The following E4F1 variants were observed in gnomAD, a reference collection of about 807,000 sequenced individuals.
The protein encoded by E4F1 is E4F transcription factor 1.
Under a neutral mutation model 72.9 loss-of-function variants are expected in E4F1, and 30 were observed. The observed-to-expected ratio is 0.41, with a 90% CI of 0.31 to 0.56. The LOEUF (loss-of-function observed/expected upper bound fraction) is 0.56, where lower values mean the gene tolerates loss of function less well. Among genes scored for constraint, E4F1 ranks in the 20% least tolerant of loss-of-function variants. E4F1 has a pLI of 0.25. For missense variants in E4F1, 1,091 were observed against 1,117.5 expected (o/e 0.98, Z 0.34); for synonymous variants, 542 against 478.2 (o/e 1.13, Z -1.74).
In E4F1 at chr16:2,235,321, G is replaced by A; in HGVS notation, c.2104G>A (p.Gly702Ser). The A allele has an allele frequency of 6.2e-7, 1 of 1,610,710 alleles. No homozygotes were observed. Among genetic ancestry groups the A allele is most frequent in the South Asian group, 1.1e-5 (1 of 91,082 alleles). Residue 702 changes from glycine (G) to serine (S), a missense_variant, in exon 14 of 14, where the codon GGC (glycine) becomes AGC (serine). By Grantham distance (56) the Gly-to-Ser change is moderately conservative. Around this residue, in one of 5 missense-constraint regions of E4F1, gnomAD observed 622 missense variants for 628.0 expected, o/e 0.99. Transcript: ENST00000301727. The part of the protein sequence containing the change: ...NVTMDEETAL[G>S]PEAAAADTIT... ...CACCATGGACGAGGAGACGGCGCTG[G>A]GCCCAGAGGCGGCTGCCGCCGACAC...
intron 3 of E4F1, chr16:2,231,461 C>A (rs905678265): frequency 6.6e-6 from 1 of 152,330 alleles, no homozygotes; most frequent in Non-Finnish European, 1.5e-5. Flanking sequence ...CTTGTCAAAA[C>A]AAGACGCCAG....
At chr16:2,224,537 C>T (rs1419532218) in intron 1 of E4F1, among the ~76,000 whole-genome samples, 3 of 152,194 alleles carry the variant, frequency 2.0e-5, no homozygotes, top group Non-Finnish European at 4.4e-5. Context: ...CGCCTGTAAT[C>T]CCAGCACTTT....
At position 2,232,921 on chromosome 16, in the gene E4F1, C is replaced by T. The variant is rs182042349; in HGVS notation, c.883+13C>T. On this transcript the variant is annotated intron_variant, in intron 6 of 13. Coordinates refer to ENST00000301727, the MANE Select transcript of E4F1 (RefSeq NM_004424.5). ...GACGCACGTGCAGGTCAGCATGGTG[C>T]GGGCAGCTGCCTGGTCCTGGGGGCT... is the stretch of plus-strand genomic sequence containing the variant. The T allele has an allele frequency of 2.2e-4, 355 of 1,613,156 alleles. 5 individuals carry two copies. In the Admixed American group the frequency reaches 5.1e-3, roughly 23 times the overall value.
rs558486175 is a variant in E4F1, at chr16:2,234,445, G to A, written c.1593+57G>A. On this transcript the variant is annotated intron_variant, in intron 10 of 13. Coordinates refer to ENST00000301727, the MANE Select transcript of E4F1 (RefSeq NM_004424.5). ...GATCCCCCCATCCTGCTCCCTGGCC[G>A]TGGCCCAGGTGCACCCCCTTCCCTG... 6.1e-5 allele frequency: 98 copies of A among 1,593,740 alleles called. 1 individual carries two copies. The African/African-American group carries it at 8.6e-4, about 14-fold the overall frequency.
At chr16:2,223,873 G>C (rs906609639) in intron 1 of E4F1, 103 bp downstream of exon 1, 13 of 1,532,564 alleles carry the variant, frequency 8.5e-6, no homozygotes, top group Non-Finnish European at 3.5e-6. Flanking sequence ...GACCCTCCCA[G>C]ACCCAGACAC....
chr16:2,231,561 C>T (rs2093467858), intron 3 of E4F1: 2 of 153,258 alleles, frequency 1.3e-5, no homozygotes. Flanking sequence ...TGTTTACAAC[C>T]TAGCTTTGCA....
chr16:2,226,458 G>T (rs548196162), intron 1 of E4F1, among the ~76,000 whole-genome samples: 3 of 152,202 alleles, frequency 2.0e-5, no homozygotes, highest in Non-Finnish European at 4.4e-5. Context: ...AGGAGAGGAC[G>T]ACTCTGTTGG....
In E4F1 at chr16:2,233,058, A is replaced by G; in HGVS notation, c.931A>G (p.Thr311Ala). ...AGLGTATSSVTGEPIETSPVI... is the reference protein window; with the variant it reads ...AGLGTATSSVAGEPIETSPVI... ...CTTGGGGACAGCCACATCATCGGTG[A>G]CAGGCGAGCCTATAGAGACTTCACC... The change falls in exon 7 of 14, where the codon ACA becomes GCA. Residue 311 changes from threonine (T) to alanine (A), a missense_variant. By Grantham distance (58) the Thr-to-Ala change is moderately conservative. Coordinates refer to ENST00000301727, the MANE Select transcript of E4F1 (RefSeq NM_004424.5). 2 of 1,611,180 alleles carry G rather than the reference A, an allele frequency of 1.2e-6. No individual in the cohort carries two copies. Among genetic ancestry groups the G allele is most frequent in the Non-Finnish European group, 1.7e-6 (2 of 1,178,446 alleles).
rs1282309484 is a variant in E4F1 at position 2,223,899 on chromosome 16, G to A, written c.157+129G>A. The A allele has an allele frequency of 7.2e-6, 11 of 1,532,060 alleles. No individual in the cohort carries two copies. The East Asian group carries it at 2.2e-4, about 31-fold the overall frequency. 94.9% of individuals were successfully genotyped at this position (1,532,060 alleles called of 1,614,324 possible). The stretch of plus-strand genomic sequence containing the variant: ...ACCCAGACACCTCGCGGATCTCGCG[G>A]GACCCTCACAGCCCTCCACGAAACC... On this transcript the variant is annotated intron_variant, in intron 1 of 13. Transcript: ENST00000301727.
In E4F1 at chr16:2,235,306, G is replaced by T; in HGVS notation, c.2089G>T (p.Glu697Ter). The T allele has an allele frequency of 6.2e-7, 1 of 1,611,138 alleles. No homozygotes were observed. Among genetic ancestry groups the T allele is most frequent in the Non-Finnish European group, 8.5e-7 (1 of 1,179,918 alleles). ...CATCGTGCAGAACGTCACCATGGAC[G>T]AGGAGACGGCGCTGGGCCCAGAGGC... ...QIIVQNVTMD[E>*]ETALGPEAAA... The change falls in exon 14 of 14, where the codon GAG becomes TAG. Residue 697 changes from glutamate (E) to a stop codon, truncating the protein, a stop_gained. Transcript: ENST00000301727. LOFTEE classifies it high-confidence loss of function.
At position 2,232,622 on chromosome 16, in the gene E4F1, G is replaced by A. The variant is rs763791867; in HGVS notation, c.730+46G>A. ...GCTGGAGCCCGGTAGCACCCCGATG[G>A]TTGGCCCTGGGGTGCCCCAGCCTCG... On this transcript the variant is annotated intron_variant, in intron 5 of 13. Coordinates refer to ENST00000301727, the MANE Select transcript of E4F1 (RefSeq NM_004424.5). 5.0e-6 allele frequency: 8 copies of A among 1,608,406 alleles called. No individual in the cohort carries two copies. The Admixed American group carries it at 1.2e-4, about 24-fold the overall frequency.
Position 2,234,281 on chromosome 16 carries a change from T to G in E4F1, c.1486T>G (p.Cys496Gly). 1 of 1,612,970 alleles carries G rather than the reference T, an allele frequency of 6.2e-7. No homozygotes were observed. Among genetic ancestry groups the G allele is most frequent in the Non-Finnish European group, 8.5e-7 (1 of 1,179,996 alleles). The change falls in exon 10 of 14, where the codon TGC becomes GGC. Residue 496 changes from cysteine (C) to glycine (G), a missense_variant. Physicochemically the swap from Cys to Gly is radical, Grantham distance 159. Around this residue, in one of 5 missense-constraint regions of E4F1, gnomAD observed 622 missense variants for 628.0 expected, o/e 0.99. Transcript: ENST00000301727. Reference protein sequence around the residue: ...VRERRFRCGDCGKLYKTIAHV... With the variant: ...VRERRFRCGDGGKLYKTIAHV... Reference sequence around the variant, plus strand: ...TGAGCGCCGCTTCCGCTGTGGCGACTGCGGGAAGCTCTACAAGACCATTGC... The same window carrying G: ...TGAGCGCCGCTTCCGCTGTGGCGACGGCGGGAAGCTCTACAAGACCATTGC...
At chr16:2,235,055 C>T in intron 12 of E4F1, 26 bp from the exon 13 acceptor site, 3 of 1,612,224 alleles carry the variant, frequency 1.9e-6, no homozygotes, top group Non-Finnish European at 2.5e-6. Context: ...CAAGGCTGAC[C>T]TCTGTCCTTC....
intron 11 of E4F1, 30 bp downstream of exon 11, chr16:2,234,811 G>T: frequency 6.5e-7 from 1 of 1,542,858 alleles, no homozygotes; most frequent in South Asian, 1.2e-5. Flanking sequence ...GGAGGGGGAG[G>T]GGAGGGGGCC....
intron 1 of E4F1, among the ~76,000 whole-genome samples, chr16:2,224,778 G>A (rs537442534): frequency 1.3e-5 from 2 of 151,394 alleles, no homozygotes; most frequent in South Asian, 2.1e-4. Context: ...GCCGGACTCC[G>A]TCTCAAAAGA....
At position 2,224,079 on chromosome 16, in the gene E4F1, C is replaced by G. The variant is rs537401958; in HGVS notation, c.157+309C>G. ...CGGCGTCCCGGCCCTTCTCTGCCTC[C>G]GATGCCTGAGCCTGGCCCTCCCCTC... On this transcript the variant is annotated intron_variant, in intron 1 of 13. Transcript: ENST00000301727. The G allele has an allele frequency of 1.0e-3, 991 of 954,024 alleles. 2 individuals carry two copies. Among genetic ancestry groups the G allele is most frequent in the Non-Finnish European group, 1.4e-3 (941 of 687,918 alleles). 59.1% of individuals were successfully genotyped at this position (954,024 alleles called of 1,614,324 possible).
rs377572921 is a variant in E4F1, at chr16:2,235,314, G to A, written c.2097G>A (p.Thr699=). Residue 699 remains threonine, a synonymous_variant, in exon 14 of 14, where the codon ACG becomes ACA. Coordinates refer to ENST00000301727, the MANE Select transcript of E4F1 (RefSeq NM_004424.5). ...IVQNVTMDEE[T]ALGPEAAAAD... Reference sequence around the variant, plus strand: ...AGAACGTCACCATGGACGAGGAGACGGCGCTGGGCCCAGAGGCGGCTGCCG... The same window carrying A: ...AGAACGTCACCATGGACGAGGAGACAGCGCTGGGCCCAGAGGCGGCTGCCG... 76 of 1,610,956 alleles carry A rather than the reference G, an allele frequency of 4.7e-5. No individual in the cohort carries two copies. The highest frequency in any genetic ancestry group is 1.1e-4 in the South Asian group (10 of 91,078).
At chr16:2,233,840 C>T (rs200493907) in intron 8 of E4F1, 42 bp from the exon 9 acceptor site, 553 of 1,515,924 alleles carry the variant, frequency 3.6e-4, no homozygotes, top group Non-Finnish European at 4.8e-4. Context: ...TGCCAGGGCA[C>T]AGCCTGCCCC....
intron 3 of E4F1, chr16:2,231,857 G>C: frequency 2.8e-6 from 1 of 354,846 alleles, no homozygotes; most frequent in Non-Finnish European, 5.2e-6. Flanking sequence ...TTGTCACCAG[G>C]ATTCGCACGT....
Sources: allele counts gnomAD v4.1 joint callset (sites outside exome capture counted in the v4.1 genomes callset), GRCh38; gene constraint gnomAD v4.1.1; regional missense constraint gnomAD v4.1.1; transcripts MANE v1.5; gene names NCBI Gene and HGNC (gene_info 2026-07-23, HGNC 2026-07-21).